The following NOX4 variants were observed in gnomAD, a reference collection of about 807,000 sequenced individuals.
NOX4 encodes NADPH oxidase 4.
NOX4 carries 69 observed loss-of-function variants against 87.6 expected under a neutral mutation model. That is an observed-to-expected ratio of 0.79 (90% CI 0.65 to 0.96). NOX4 has a LOEUF of 0.96. NOX4 is among the 40% of genes least tolerant of loss of function. The probability of loss-of-function intolerance (pLI) is 0.00; values close to 1 mark genes in which losing one functional copy is unlikely to be tolerated. For synonymous variants in NOX4, 275 were observed against 238.2 expected (o/e 1.15, Z -1.42); for missense variants, 680 against 681.5 (o/e 1.00, Z 0.02).
intron 11 of NOX4, among the ~76,000 whole-genome samples, chr11:89,394,367 A>T (rs1941332963): frequency 6.6e-6 from 1 of 152,094 alleles, no homozygotes; most frequent in Non-Finnish European, 1.5e-5. Context: ...ACAAAAAAAA[A>T]ACTCTTGCTG....
At chr11:89,509,015 A>T in the NOX4 span, among the ~76,000 whole-genome samples, 1 of 152,078 alleles carries the variant, frequency 6.6e-6, no homozygotes, top group East Asian at 1.9e-4. Context: ...TCATGATGTC[A>T]CTGAGAACTT....
At chr11:89,363,497 A>G (rs918692288) in intron 12 of NOX4, among the ~76,000 whole-genome samples, 2 of 152,134 alleles carry the variant, frequency 1.3e-5, no homozygotes, top group African/African-American at 4.8e-5. Flanking sequence ...AAATGCCAGG[A>G]CAACAAAAGA....
intron 17 of NOX4, among the ~76,000 whole-genome samples, chr11:89,334,615 T>C (rs962939846): frequency 6.6e-6 from 1 of 151,708 alleles, no homozygotes; most frequent in African/African-American, 2.4e-5. Context: ...AAATATCCAT[T>C]TAATAAGCTG....
chr11:89,449,615 T>C, intron 3 of NOX4, 91 bp from the exon 4 acceptor site: 1 of 967,040 alleles, frequency 1.0e-6, no homozygotes, highest in Non-Finnish European at 1.6e-6. Flanking sequence ...TCAAAATTTT[T>C]AAAATATGGC....
At chr11:89,338,205 A>G (rs905873585) in intron 15 of NOX4, among the ~76,000 whole-genome samples, 2 of 152,252 alleles carry the variant, frequency 1.3e-5, no homozygotes, top group Non-Finnish European at 2.9e-5. Flanking sequence ...GCCTCTGCAA[A>G]TGAAACTACT....
intron 5 of NOX4, among the ~76,000 whole-genome samples, chr11:89,442,664 T>C (rs1944508596): frequency 6.6e-6 from 1 of 152,158 alleles, no homozygotes; most frequent in Non-Finnish European, 1.5e-5. Context: ...TGGCTTGTTT[T>C]GGAGGAGAAG....
chr11:89,364,349 A>T (rs1401036583), intron 12 of NOX4, among the ~76,000 whole-genome samples: 1 of 152,110 alleles, frequency 6.6e-6, no homozygotes, highest in Non-Finnish European at 1.5e-5. Context: ...TTACATATGT[A>T]GACAAATCTT....
the NOX4 span, among the ~76,000 whole-genome samples, chr11:89,515,751 G>C: frequency 2.6e-5 from 4 of 151,858 alleles, no homozygotes; most frequent in Admixed American, 6.6e-5. Context: ...ACGATTAATA[G>C]ATATTCATTT....
intron 14 of NOX4, 56 bp from the exon 15 acceptor site, chr11:89,340,227 A>T (rs1421038755): frequency 5.3e-6 from 6 of 1,140,130 alleles, no homozygotes; most frequent in Non-Finnish European, 6.4e-6. Flanking sequence ...AATATTAAAG[A>T]ATTCGTATAT....
chr11:89,398,266 G>A (rs1045116975), intron 11 of NOX4, among the ~76,000 whole-genome samples: 1 of 151,970 alleles, frequency 6.6e-6, no homozygotes, highest in Non-Finnish European at 1.5e-5. Flanking sequence ...AAATTCAGCA[G>A]CCCTTCATGC....
At chr11:89,410,921 T>C (rs1291667049) in intron 8 of NOX4, among the ~76,000 whole-genome samples, 1 of 152,046 alleles carries the variant, frequency 6.6e-6, no homozygotes. Flanking sequence ...ACCACCTCTC[T>C]ACCAAGCTCA....
intron 2 of NOX4, among the ~76,000 whole-genome samples, chr11:89,473,785 T>C (rs2135450549): frequency 6.6e-6 from 1 of 152,232 alleles, no homozygotes; most frequent in South Asian, 2.1e-4. Context: ...TTTCAACTTT[T>C]GAATGAAGTC....
the NOX4 span, among the ~76,000 whole-genome samples, chr11:89,558,736 C>A: frequency 6.6e-6 from 1 of 152,008 alleles, no homozygotes; most frequent in Admixed American, 6.6e-5. Flanking sequence ...GTAACTATGC[C>A]ATAGGCCAGT....
chr11:89,508,761 T>C, the NOX4 span, among the ~76,000 whole-genome samples: 2 of 152,050 alleles, frequency 1.3e-5, no homozygotes, highest in Non-Finnish European at 2.9e-5. Context: ...CTCAAAACAC[T>C]TTCTCAGGTA....
At chr11:89,354,281 AG>A (rs1389647095) in intron 13 of NOX4, among the ~76,000 whole-genome samples, 1 of 152,168 alleles carries the variant, frequency 6.6e-6, no homozygotes, top group African/African-American at 2.4e-5. Context: ...GGAGGCCCCA[AG>A]ATGCCACAGG....
intron 8 of NOX4, among the ~76,000 whole-genome samples, chr11:89,403,323 G>A (rs951864027): frequency 6.6e-6 from 1 of 152,082 alleles, no homozygotes; most frequent in African/African-American, 2.4e-5. Flanking sequence ...CATCAACAAG[G>A]TCACTGCTGC....
At chr11:89,399,219 T>C (rs1365311758) in intron 11 of NOX4, among the ~76,000 whole-genome samples, 1 of 151,088 alleles carries the variant, frequency 6.6e-6, no homozygotes, top group Admixed American at 6.6e-5. Context: ...ATTTACTCCA[T>C]TTGATTTTTC....
the NOX4 span, among the ~76,000 whole-genome samples, chr11:89,532,410 C>A: frequency 6.6e-6 from 1 of 152,194 alleles, no homozygotes. Context: ...GATTTAACGA[C>A]TGCCCTGTTG....
intron 7 of NOX4, among the ~76,000 whole-genome samples, chr11:89,428,100 T>A (rs531799494): frequency 6.6e-5 from 10 of 152,092 alleles, no homozygotes; most frequent in Non-Finnish European, 1.2e-4. Context: ...CAACCCAGAA[T>A]TTCATATCCA....
Sources: gnomAD v4.1 joint callset for allele counts (sites outside exome capture counted in the v4.1 genomes callset) on GRCh38, gnomAD v4.1.1 for gene constraint, MANE v1.5 for transcripts, NCBI Gene and HGNC (gene_info 2026-07-23, HGNC 2026-07-21) for gene names.